GIGYF2: variants seen among roughly 807,000 people sequenced by gnomAD.
The protein encoded by GIGYF2 is GRB10 interacting GYF protein 2, also known as GRB10-interacting GYF protein 2.
A neutral mutation model predicts 208.1 loss-of-function variants in GIGYF2; 25 were observed. That is an observed-to-expected ratio of 0.12 (90% CI 0.09 to 0.17). GIGYF2 has a LOEUF of 0.17. GIGYF2 is among the 10% of genes least tolerant of loss of function. The probability of loss-of-function intolerance (pLI) is 1.00; values close to 1 mark genes in which losing one functional copy is unlikely to be tolerated. For missense variants in GIGYF2, 1,302 were observed against 1,579.4 expected (o/e 0.82, Z 2.98); for synonymous variants, 534 against 543.8 (o/e 0.98, Z 0.25).
chr2:232,726,126 T>C (rs1406509909), intron 2 of GIGYF2, among the ~76,000 whole-genome samples: 1 of 152,160 alleles, frequency 6.6e-6, no homozygotes. Context: ...ATCCACCACT[T>C]TGGGAAGCCA....
rs551151586 is a variant in GIGYF2, at chr2:232,835,723, G to C, written c.2766+2630G>C. Among the ~76,000 whole-genome samples the C allele has an allele frequency of 4.6e-5, 7 of 152,266 alleles. No individual in the cohort carries two copies. In the East Asian group the frequency reaches 1.4e-3, roughly 29 times the overall value. On this transcript the variant is annotated intron_variant, in intron 22 of 28. Coordinates refer to ENST00000373563, the MANE Select transcript of GIGYF2 (RefSeq NM_001103146.3). ...TGTTGAAGCCCTTGCTCTTGCCCAT[G>C]TTGGGGATATAGCACTGGGTGTGCC... is the stretch of plus-strand genomic sequence containing the variant.
At chr2:232,836,317 TA>T (rs1701618770) in intron 22 of GIGYF2, among the ~76,000 whole-genome samples, 1 of 22,196 alleles carries the variant, frequency 4.5e-5, no homozygotes, top group African/African-American at 1.5e-4. Context: ...TATATATATA[TA>T]TATATATATA....
At chr2:232,823,133 TTATTAA>T (rs1231750725) in intron 21 of GIGYF2, among the ~76,000 whole-genome samples, 2 of 151,812 alleles carry the variant, frequency 1.3e-5, no homozygotes, top group African/African-American at 2.4e-5. Flanking sequence ...ATATGGTGAA[TTATTAA>T]TATTAATATT....
chr2:232,713,348 G>T (rs113819710), intron 2 of GIGYF2, among the ~76,000 whole-genome samples: 2,735 of 152,258 alleles, frequency 0.018, 88 homozygotes, highest in African/African-American at 0.062. Flanking sequence ...AAAGTGCTGG[G>T]ATTACAGGCA....
At chr2:232,736,803 G>A (rs1216164138) in intron 3 of GIGYF2, among the ~76,000 whole-genome samples, 3 of 151,980 alleles carry the variant, frequency 2.0e-5, no homozygotes, top group African/African-American at 4.8e-5. Flanking sequence ...ATACCCTCAT[G>A]TCTGTTTCTT....
chr2:232,847,035 A>G (rs1702027996), intron 26 of GIGYF2, among the ~76,000 whole-genome samples: 1 of 152,236 alleles, frequency 6.6e-6, no homozygotes, highest in Non-Finnish European at 1.5e-5. Flanking sequence ...GTTAATAAAT[A>G]CTGATTGAAT....
intron 21 of GIGYF2, among the ~76,000 whole-genome samples, chr2:232,830,965 GTATAT>G (rs1400434572): frequency 6.6e-6 from 1 of 152,164 alleles, no homozygotes; most frequent in Non-Finnish European, 1.5e-5. Flanking sequence ...ATATTGGTTA[GTATAT>G]TATAGGGTAC....
At chr2:232,717,833 G>C (rs1696759063) in intron 2 of GIGYF2, among the ~76,000 whole-genome samples, 1 of 151,988 alleles carries the variant, frequency 6.6e-6, no homozygotes, top group Non-Finnish European at 1.5e-5. Context: ...TCATTACTGT[G>C]AGAGTGGCAC....
At chr2:232,823,135 A>C (rs1292901444) in intron 21 of GIGYF2, among the ~76,000 whole-genome samples, 1 of 151,758 alleles carries the variant, frequency 6.6e-6, no homozygotes, top group Non-Finnish European at 1.5e-5. Flanking sequence ...ATGGTGAATT[A>C]TTAATATTAA....
At chr2:232,819,256 A>G (rs1701004193) in intron 20 of GIGYF2, among the ~76,000 whole-genome samples, 2 of 152,236 alleles carry the variant, frequency 1.3e-5, no homozygotes, top group Admixed American at 1.3e-4. Context: ...GTAAAAAAGT[A>G]TGTTTAGTTC....
chr2:232,856,707 C>T, intron 28 of GIGYF2, 86 bp from the exon 29 acceptor site: 1 of 864,406 alleles, frequency 1.2e-6, no homozygotes, highest in Non-Finnish European at 2.0e-6. Flanking sequence ...CAAACAAACA[C>T]AGACTTACAT....
At chr2:232,839,611 G>A (rs1226885822) in intron 22 of GIGYF2, among the ~76,000 whole-genome samples, 4 of 152,210 alleles carry the variant, frequency 2.6e-5, no homozygotes, top group Non-Finnish European at 1.5e-5. Context: ...AAATGTAAGT[G>A]TGTATGTGTA....
At chr2:232,807,722 A>C (rs1700599859) in intron 15 of GIGYF2, among the ~76,000 whole-genome samples, 1 of 152,116 alleles carries the variant, frequency 6.6e-6, no homozygotes, top group South Asian at 2.1e-4. Context: ...GCTGTAGTTA[A>C]AAGTTACCAT....
intron 8 of GIGYF2, among the ~76,000 whole-genome samples, chr2:232,775,302 A>G (rs1020840987): frequency 2.0e-5 from 3 of 152,132 alleles, no homozygotes; most frequent in African/African-American, 7.2e-5. Flanking sequence ...AAACCACTCA[A>G]TCCCATTGGC....
At chr2:232,804,381 G>GTTT (rs199519467) in intron 14 of GIGYF2, among the ~76,000 whole-genome samples, 9 of 121,912 alleles carry the variant, frequency 7.4e-5, no homozygotes, top group East Asian at 2.4e-4. Flanking sequence ...GAGCATCTCA[G>GTTT]TTTTTTTTTT....
At chr2:232,846,034 A>C (rs1401942016) in intron 26 of GIGYF2, 148 bp downstream of exon 26, 4 of 691,330 alleles carry the variant, frequency 5.8e-6, no homozygotes, top group Non-Finnish European at 1.1e-5. Context: ...TGACTCTTTA[A>C]TAGTATTACT....
intron 8 of GIGYF2, chr2:232,767,269 C>T (rs1052912240): frequency 4.6e-5 from 7 of 151,992 alleles, no homozygotes; most frequent in Non-Finnish European, 1.0e-4. Flanking sequence ...TCCCTACTCA[C>T]TCAAGTTATA....
At chr2:232,843,130 A>T (rs1189558824) in intron 23 of GIGYF2, 1 of 124,214 alleles carries the variant, frequency 8.1e-6, no homozygotes. Flanking sequence ...TCATGTGTTT[A>T]TGCTGTGTGT....
In GIGYF2 at chr2:232,845,536, G is replaced by A. The variant is rs150854258; in HGVS notation, c.3306-196G>A. Among the ~76,000 whole-genome samples, 179 of 152,184 alleles carry A rather than the reference G, an allele frequency of 1.2e-3. 1 individual carries two copies. Among genetic ancestry groups the A allele is most frequent in the South Asian group, 5.2e-3 (25 of 4,822 alleles). On this transcript the variant is annotated intron_variant, in intron 25 of 28. Coordinates refer to ENST00000373563, the MANE Select transcript of GIGYF2 (RefSeq NM_001103146.3). ...GTAGAACCCCTGTATCCACAAATTA[G>A]GATATATTAACTGAGGCTAGATTTT...
Sources: allele counts gnomAD v4.1 joint callset (sites outside exome capture counted in the v4.1 genomes callset), GRCh38; gene constraint gnomAD v4.1.1; transcripts MANE v1.5; gene names NCBI Gene and HGNC (gene_info 2026-07-23, HGNC 2026-07-21).